GULP1: variants seen among roughly 807,000 people sequenced by gnomAD.
The protein encoded by GULP1 is GULP PTB domain containing engulfment adaptor 1, also known as PTB domain-containing engulfment adapter protein 1.
GULP1 carries 19 observed loss-of-function variants against 40.9 expected under a neutral mutation model. That is an observed-to-expected ratio of 0.46 (90% CI 0.32 to 0.68). The LOEUF (loss-of-function observed/expected upper bound fraction) is 0.68, where lower values mean the gene tolerates loss of function less well. GULP1 is among the 30% of genes least tolerant of loss of function. The pLI is 0.03. For synonymous variants in GULP1, 119 were observed against 117.6 expected, an observed-to-expected ratio of 1.01 and a Z score of -0.08; for missense variants, 312 against 362.2, an observed-to-expected ratio of 0.86 and a Z score of 1.12.
chr2:188,434,922 G>T (rs2057265025), intron 2 of GULP1, among the ~76,000 whole-genome samples: 1 of 151,906 alleles, frequency 6.6e-6, no homozygotes, highest in Non-Finnish European at 1.5e-5. Flanking sequence ...CTTTACATAA[G>T]ATGTGAGCAC....
chr2:188,523,003 C>A, intron 5 of GULP1, 176 bp downstream of exon 5: 1 of 495,996 alleles, frequency 2.0e-6, no homozygotes. Flanking sequence ...CAAACATGTA[C>A]ACAAAATTGT....
intron 1 of GULP1, among the ~76,000 whole-genome samples, chr2:188,303,748 CAT>C (rs940311883): frequency 2.6e-5 from 4 of 152,162 alleles, no homozygotes; most frequent in Non-Finnish European, 4.4e-5. Context: ...AGACCTCCTA[CAT>C]TACTGTGATT....
chr2:188,349,145 A>G (rs565922344), intron 1 of GULP1, among the ~76,000 whole-genome samples: 82 of 152,288 alleles, frequency 5.4e-4, no homozygotes, highest in African/African-American at 1.9e-3. Context: ...CTGTTTATGC[A>G]TTCATTGGTT....
At chr2:188,325,640 A>G (rs1223670642) in intron 1 of GULP1, among the ~76,000 whole-genome samples, 1 of 152,074 alleles carries the variant, frequency 6.6e-6, no homozygotes, top group Non-Finnish European at 1.5e-5. Flanking sequence ...TAGAGCCAGT[A>G]TATTCTAAAG....
rs1699164258 is a variant in GULP1 at position 188,572,035 on chromosome 2, T to C, written c.609+1915T>C. On this transcript the variant is annotated intron_variant, in intron 9 of 11. Coordinates refer to ENST00000409830, the MANE Select transcript of GULP1 (RefSeq NM_016315.4). ...AAACTGCAGCCTACCTTTTTTATCTTCCCAAAGCAGACACTGCTCTGAGAA... is the reference window on the plus strand; with the variant it reads ...AAACTGCAGCCTACCTTTTTTATCTCCCCAAAGCAGACACTGCTCTGAGAA... Among the ~76,000 whole-genome samples, 2 of 152,178 alleles carry C rather than the reference T, an allele frequency of 1.3e-5. 1 individual carries two copies. The highest frequency in any genetic ancestry group is 4.1e-4 in the South Asian group (2 of 4,830).
At chr2:188,529,317 C>A (rs1179369172) in intron 6 of GULP1, 122 bp downstream of exon 6, 2 of 505,516 alleles carry the variant, frequency 4.0e-6, no homozygotes, top group Non-Finnish European at 3.5e-6. Context: ...AATGACAGTT[C>A]GAAACTCTAG....
chr2:188,533,419 C>T (rs1168072067), intron 6 of GULP1, among the ~76,000 whole-genome samples: 8 of 152,112 alleles, frequency 5.3e-5, no homozygotes, highest in Non-Finnish European at 1.0e-4. Flanking sequence ...GGATACCTGG[C>T]TAGCCATATG....
chr2:188,413,092 G>A (rs1311543350), intron 2 of GULP1, among the ~76,000 whole-genome samples: 10 of 152,138 alleles, frequency 6.6e-5, no homozygotes, highest in Admixed American at 5.9e-4. Flanking sequence ...ATTGAAAATT[G>A]ATCATTTTTT....
chr2:188,497,510 A>T (rs1405685745), intron 4 of GULP1, among the ~76,000 whole-genome samples: 1 of 152,018 alleles, frequency 6.6e-6, no homozygotes, highest in African/African-American at 2.4e-5. Context: ...TTATAATGAG[A>T]TGACGTGTTT....
intron 2 of GULP1, among the ~76,000 whole-genome samples, chr2:188,412,473 TCTTAA>T (rs2054027472): frequency 2.0e-5 from 3 of 152,194 alleles, no homozygotes; most frequent in African/African-American, 7.2e-5. Flanking sequence ...CTGGTGGCAA[TCTTAA>T]CTTCCAGTTT....
At chr2:188,368,939 G>GTGTATATATATATATATA (rs1272494109) in intron 1 of GULP1, among the ~76,000 whole-genome samples, 7 of 86,066 alleles carry the variant, frequency 8.1e-5, no homozygotes, top group East Asian at 4.1e-4. Flanking sequence ...ATATATGTGT[G>GTGTATATATATATATATA]TATATATATA....
chr2:188,521,992 C>T (rs1213659362), intron 4 of GULP1, among the ~76,000 whole-genome samples: 4 of 152,000 alleles, frequency 2.6e-5, no homozygotes, highest in East Asian at 1.9e-4. Flanking sequence ...AGGAGAATGG[C>T]GTGAACCCGG....
rs56274020 is a variant in GULP1 at position 188,368,939 on chromosome 2, GTATATATATATATA to G, written c.-171-14798_-171-14785del. ...TATATATATGTATATATATATGTGTGTATATATATATATATATATATATATATATATATATATAT... is the reference window on the plus strand; with the variant it reads ...TATATATATGTATATATATATGTGTGTATATATATATATATATATATATAT... On this transcript the variant is annotated intron_variant, in intron 1 of 11. Coordinates refer to ENST00000409830, the MANE Select transcript of GULP1 (RefSeq NM_016315.4). Among the ~76,000 whole-genome samples, 79 of 86,080 alleles carry G rather than the reference GTATATATATATATA, an allele frequency of 9.2e-4. 1 individual carries two copies. The highest frequency in any genetic ancestry group is 2.2e-3 in the African/African-American group (54 of 24,320). The allele number at this position is 86,080 out of a possible 152,430, so 56.5% of individuals were successfully genotyped here. A position where few individuals can be genotyped will look rare whatever the true frequency, so the allele number is the denominator to read the frequency against.
intron 6 of GULP1, among the ~76,000 whole-genome samples, chr2:188,535,112 T>C (rs1448795511): frequency 1.3e-5 from 2 of 151,496 alleles, no homozygotes; most frequent in East Asian, 3.9e-4. Context: ...TTTAAATTAA[T>C]AGTAAATTAC....
chr2:188,567,052 A>G (rs1476634158), intron 7 of GULP1, among the ~76,000 whole-genome samples: 1 of 152,158 alleles, frequency 6.6e-6, no homozygotes, highest in Non-Finnish European at 1.5e-5. Flanking sequence ...ACTGATCATC[A>G]GAGAAATGCA....
rs1467947646 is a variant in GULP1, at chr2:188,292,827, T to G, written c.-172+661T>G. 3.3e-5 allele frequency: 5 copies of G among 152,624 alleles called. No individual in the cohort carries two copies. The highest frequency in any genetic ancestry group is 1.9e-4 in the East Asian group (1 of 5,162). The allele number at this position is 152,624 out of a possible 1,614,324, so 9.5% of individuals were successfully genotyped here. On this transcript the variant is annotated intron_variant, in intron 1 of 11. Transcript: ENST00000409830. The surrounding 1 kb of genome is among the most constrained non-coding windows in gnomAD (Gnocchi z 4.0). ...CTTCTGCTGCGCGGGTCAAGTAGCT[T>G]CTTCTGGAGGGCGCAAGGCGCGGCG...
At chr2:188,298,030 G>C (rs892888025) in intron 1 of GULP1, among the ~76,000 whole-genome samples, 1 of 151,926 alleles carries the variant, frequency 6.6e-6, no homozygotes, top group Non-Finnish European at 1.5e-5. Context: ...TAAAACATAG[G>C]GTTATAAGTA....
At chr2:188,348,313 T>C (rs1018280409) in intron 1 of GULP1, among the ~76,000 whole-genome samples, 2 of 152,196 alleles carry the variant, frequency 1.3e-5, no homozygotes, top group African/African-American at 4.8e-5. Context: ...CAGGAAGTTA[T>C]CTGGTCAAAC....
At chr2:188,362,498 A>G (rs1453747358) in intron 1 of GULP1, among the ~76,000 whole-genome samples, 1 of 152,158 alleles carries the variant, frequency 6.6e-6, no homozygotes, top group Non-Finnish European at 1.5e-5. Flanking sequence ...AAAACAAAAC[A>G]GTGGAAGACT....
Sources: gnomAD v4.1 joint callset for allele counts (sites outside exome capture counted in the v4.1 genomes callset) on GRCh38, gnomAD v4.1.1 for gene constraint, Gnocchi (gnomAD v3.1) non-coding constraint, MANE v1.5 for transcripts, NCBI Gene and HGNC (gene_info 2026-07-23, HGNC 2026-07-21) for gene names.